The following GRK5 variants were observed in gnomAD, a reference collection of about 807,000 sequenced individuals.
GRK5 encodes the protein g protein-coupled receptor kinase GRK5.
Under a neutral mutation model 78.4 loss-of-function variants are expected in GRK5, and 40 were observed. The ratio of observed to expected loss-of-function variants is 0.51; its 90% CI spans 0.40 to 0.66. The LOEUF (loss-of-function observed/expected upper bound fraction) is 0.66. GRK5 is among the 30% of genes least tolerant of loss of function. GRK5 has a pLI of 0.00. For missense variants in GRK5, 598 were observed against 759.9 expected (o/e 0.79, Z 2.50); for synonymous variants, 289 against 296.8 (o/e 0.97, Z 0.27).
chr10:119,363,299 A>C (rs925087475), intron 2 of GRK5, among the ~76,000 whole-genome samples: 1 of 151,432 alleles, frequency 6.6e-6, no homozygotes, highest in East Asian at 1.9e-4. Flanking sequence ...AAAAAACAAC[A>C]AACAGTAGTT....
At chr10:119,361,028 T>A (rs1347052297) in intron 2 of GRK5, among the ~76,000 whole-genome samples, 3 of 152,176 alleles carry the variant, frequency 2.0e-5, no homozygotes, top group African/African-American at 7.2e-5. Context: ...CTAGGTGGGC[T>A]CTGGCTCCCT....
intron 1 of GRK5, among the ~76,000 whole-genome samples, chr10:119,210,926 C>T (rs1318253270): frequency 1.3e-5 from 2 of 152,130 alleles, no homozygotes. Flanking sequence ...TTCACTGTAT[C>T]TTCAAAGTCT....
chr10:119,322,299 T>G (rs1850599137), intron 1 of GRK5, among the ~76,000 whole-genome samples: 1 of 152,198 alleles, frequency 6.6e-6, no homozygotes, highest in African/African-American at 2.4e-5. Context: ...TCCAGGGGTC[T>G]GTCCTGTGCA....
At chr10:119,241,273 G>A (rs1235174118) in intron 1 of GRK5, among the ~76,000 whole-genome samples, 2 of 152,152 alleles carry the variant, frequency 1.3e-5, no homozygotes. Context: ...TGGCTCTGTG[G>A]TCCCTGTGCT....
chr10:119,431,200 G>C lies in GRK5; in HGVS notation c.598-187G>C, dbSNP rs1852809501. The stretch of plus-strand genomic sequence containing the variant: ...GAGGAGGAGGGAGGGCAAGGGCCCA[G>C]GACAGCTGTGGGCCCCAGGCCAGGC... On this transcript the variant is annotated intron_variant, in intron 7 of 15. Transcript: ENST00000392870. This position sits in a 1 kb window ranked among gnomAD's most constrained non-coding sequence, Gnocchi z 4.8. Among the ~76,000 whole-genome samples, 2 of 152,186 alleles carry C rather than the reference G, an allele frequency of 1.3e-5. No individual in the cohort carries two copies. The highest frequency in any genetic ancestry group is 1.3e-4 in the Admixed American group (2 of 15,286).
At chr10:119,375,501 T>C (rs1851609648) in intron 2 of GRK5, among the ~76,000 whole-genome samples, 1 of 152,216 alleles carries the variant, frequency 6.6e-6, no homozygotes, top group Admixed American at 6.5e-5. Context: ...ACTTCCCAAT[T>C]GACTTATGCA....
chr10:119,411,842 C>CCTTTTTTTTTT (rs1852343196), intron 4 of GRK5, among the ~76,000 whole-genome samples: 2 of 95,978 alleles, frequency 2.1e-5, no homozygotes, highest in African/African-American at 7.2e-5. Context: ...AGATCTGCTT[C>CCTTTTTTTTTT]TTTTTTTTTT....
intron 1 of GRK5, among the ~76,000 whole-genome samples, chr10:119,214,119 C>T (rs949856720): frequency 7.9e-5 from 12 of 152,118 alleles, no homozygotes; most frequent in Admixed American, 2.6e-4. Context: ...GGATTACAGG[C>T]GCCCACCATC....
chr10:119,347,217 T>A (rs1294308281), intron 2 of GRK5, among the ~76,000 whole-genome samples: 2 of 152,118 alleles, frequency 1.3e-5, no homozygotes, highest in African/African-American at 4.8e-5. Context: ...GTATTTCATG[T>A]ATGTGTGTGT....
chr10:119,398,534 C>T lies in GRK5; in HGVS notation c.339+1762C>T, dbSNP rs558481244. On this transcript the variant is annotated intron_variant, in intron 4 of 15. Coordinates refer to ENST00000392870, the MANE Select transcript of GRK5 (RefSeq NM_005308.3). ...ATCTTCCCACGGTGGCTCAGCTTGG[C>T]CCAGTCCAGCGCTTCATCTGTGCCC... Among the ~76,000 whole-genome samples, 6 of 152,324 alleles carry T rather than the reference C, an allele frequency of 3.9e-5. No individual in the cohort carries two copies. In the South Asian group the frequency reaches 1.2e-3, roughly 32 times the overall value.
At chr10:119,440,038 G>A (rs974864438) in intron 10 of GRK5, among the ~76,000 whole-genome samples, 11 of 152,106 alleles carry the variant, frequency 7.2e-5, no homozygotes, top group African/African-American at 1.9e-4. Context: ...ACTTCTGGCC[G>A]GGCGTGGTCT....
intron 3 of GRK5, among the ~76,000 whole-genome samples, chr10:119,394,189 TGTATGG>T (rs1851945284): frequency 6.8e-6 from 1 of 146,690 alleles, no homozygotes. Flanking sequence ...TGGGTGTCTG[TGTATGG>T]GGGTGTGTAT....
intron 2 of GRK5, among the ~76,000 whole-genome samples, chr10:119,327,233 A>G (rs1259356755): frequency 1.3e-5 from 2 of 152,196 alleles, no homozygotes; most frequent in Non-Finnish European, 2.9e-5. Context: ...GGCACCTCCA[A>G]GAGCAGCCAA....
intron 1 of GRK5, among the ~76,000 whole-genome samples, chr10:119,277,005 T>A (rs1849681806): frequency 6.6e-6 from 1 of 152,238 alleles, no homozygotes; most frequent in Non-Finnish European, 1.5e-5. Flanking sequence ...CCTATATCCA[T>A]GCATTGCCTT....
At position 119,454,990 on chromosome 10, in the gene GRK5, T is replaced by A. The variant is rs1853374462; in HGVS notation, c.1696T>A (p.Ser566Thr). The change falls in exon 16 of 16, where the codon TCG becomes ACG. Residue 566 changes from serine (S) to threonine (T), a missense_variant. Physicochemically the swap from Ser to Thr is moderately conservative, Grantham distance 58. Coordinates refer to ENST00000392870, the MANE Select transcript of GRK5 (RefSeq NM_005308.3). ...KRQHQNNSKS[S>T]PSSKTSFNHH... The stretch of plus-strand genomic sequence containing the variant: ...CCAGCATCAGAACAATTCCAAGAGT[T>A]CGCCCAGCTCCAAGACCAGTTTTAA... The A allele has an allele frequency of 6.2e-7, 1 of 1,613,872 alleles. No individual in the cohort carries two copies. The highest frequency in any genetic ancestry group is 8.5e-7 in the Non-Finnish European group (1 of 1,179,828).
chr10:119,394,910 G>A (rs1852018386), intron 3 of GRK5, among the ~76,000 whole-genome samples: 1 of 144,830 alleles, frequency 6.9e-6, no homozygotes. Context: ...GAAAATAACA[G>A]GAAAAAGTCA....
chr10:119,321,823 C>T (rs12244191), intron 1 of GRK5, among the ~76,000 whole-genome samples: 18 of 152,164 alleles, frequency 1.2e-4, no homozygotes, highest in African/African-American at 1.7e-4. Context: ...TCTGCACCCT[C>T]GGCTTGGGGC....
chr10:119,444,502 A>G (rs1281551218), intron 12 of GRK5, among the ~76,000 whole-genome samples: 1 of 152,070 alleles, frequency 6.6e-6, no homozygotes. Context: ...GGAGATGGCC[A>G]CTTCCTGCTG....
chr10:119,326,265 G>A (rs963157493), intron 1 of GRK5, among the ~76,000 whole-genome samples: 3 of 152,330 alleles, frequency 2.0e-5, no homozygotes, highest in South Asian at 2.1e-4. Context: ...TGGGTGGGGT[G>A]CAGGGGAGCC....
Sources: allele counts gnomAD v4.1 joint callset (sites outside exome capture counted in the v4.1 genomes callset), GRCh38; gene constraint gnomAD v4.1.1; non-coding constraint Gnocchi (gnomAD v3.1); transcripts MANE v1.5; gene names NCBI Gene and HGNC (gene_info 2026-07-23, HGNC 2026-07-21).